The following MROH9 variants were observed in gnomAD, a reference collection of about 807,000 sequenced individuals.
MROH9 encodes the protein maestro heat like repeat family member 9, also known as maestro heat-like repeat-containing protein family member 9.
In MROH9, 92 loss-of-function variants were observed where a neutral mutation model predicts 98.2. The ratio of observed to expected loss-of-function variants is 0.94; its 90% CI spans 0.79 to 1.11. The LOEUF (loss-of-function observed/expected upper bound fraction) is 1.11. MROH9 is among the 50% of genes most tolerant of loss of function. The pLI, the probability that MROH9 is intolerant of heterozygous loss-of-function variation, is 0.00. For synonymous variants in MROH9, 397 were observed against 368.9 expected (o/e 1.08, Z -0.87); for missense variants, 1,057 against 1,014.8 (o/e 1.04, Z -0.57).
chr1:170,936,000 A>C (rs1173968758), intron 1 of MROH9, among the ~76,000 whole-genome samples: 14 of 150,000 alleles, frequency 9.3e-5, no homozygotes, highest in Admixed American at 6.0e-4. Flanking sequence ...AAAAAAAAAA[A>C]AAAAAAAAGA....
At chr1:170,937,014 C>T (rs1171254848) in intron 1 of MROH9, among the ~76,000 whole-genome samples, 2 of 152,174 alleles carry the variant, frequency 1.3e-5, no homozygotes, top group African/African-American at 4.8e-5. Context: ...GACCTTGCAG[C>T]TGCACAGCTA....
At chr1:171,048,989 C>A (rs1429258481) in intron 20 of MROH9, among the ~76,000 whole-genome samples, 1 of 152,172 alleles carries the variant, frequency 6.6e-6, no homozygotes. Flanking sequence ...GACTGGTGAC[C>A]TATCCTACTG....
chr1:170,959,717 ACAGT>A (rs1289845067), intron 5 of MROH9, 120 bp downstream of exon 5: 2 of 865,650 alleles, frequency 2.3e-6, no homozygotes, highest in Non-Finnish European at 1.7e-6. Flanking sequence ...TTTAGTTATA[ACAGT>A]CAGGGCACTA....
chr1:171,024,226 AT>A (rs1652621217), intron 17 of MROH9, among the ~76,000 whole-genome samples, 168 bp from the exon 18 acceptor site: 1 of 152,004 alleles, frequency 6.6e-6, no homozygotes, highest in Non-Finnish European at 1.5e-5. Flanking sequence ...CCCAAGGTGA[AT>A]TTTTTCTAAA....
At chr1:170,936,001 A>G (rs1359646347) in intron 1 of MROH9, among the ~76,000 whole-genome samples, 8 of 150,542 alleles carry the variant, frequency 5.3e-5, no homozygotes, top group East Asian at 3.9e-4. Context: ...AAAAAAAAAA[A>G]AAAAAAAGAA....
chr1:170,971,697 T>C lies in MROH9; in HGVS notation c.481-51T>C, dbSNP rs770997317. 17 of 1,594,042 alleles carry C rather than the reference T, an allele frequency of 1.1e-5. No homozygotes were observed. In the South Asian group the frequency reaches 1.9e-4, roughly 18 times the overall value. ...CAGGATCAGATGCATGCAGACATTT[T>C]CATATTGGCTATGCATAGCAAATGC... On this transcript the variant is annotated intron_variant, in intron 7 of 21. Coordinates refer to ENST00000367759, the MANE Select transcript of MROH9 (RefSeq NM_001163629.2).
Position 170,986,639 on chromosome 1 carries a change from GATAA to G in MROH9, c.810_813del (p.Asp270GlufsTer10). 4 of 1,613,872 alleles carry G rather than the reference GATAA, an allele frequency of 2.5e-6. No homozygotes were observed. Among genetic ancestry groups the G allele is most frequent in the Non-Finnish European group, 3.4e-6 (4 of 1,179,916 alleles). Reference sequence around the variant, plus strand: ...CCTGATGAAACTCTCTTCACCTGATGATAAAATCGCATCTGATGCAGCATCCATA... The same window carrying G: ...CCTGATGAAACTCTCTTCACCTGATGAATCGCATCTGATGCAGCATCCATA... On this transcript the variant is annotated frameshift_variant, in exon 10 of 22. Transcript: ENST00000367759. LOFTEE classifies it high-confidence loss of function.
At chr1:170,952,439 T>C (rs1279767683) in intron 3 of MROH9, among the ~76,000 whole-genome samples, 1 of 152,080 alleles carries the variant, frequency 6.6e-6, no homozygotes, top group African/African-American at 2.4e-5. Context: ...GATGAGTTCA[T>C]GTCCTTTGTG....
intron 15 of MROH9, among the ~76,000 whole-genome samples, chr1:171,011,518 C>T: frequency 6.6e-6 from 1 of 151,916 alleles, no homozygotes; most frequent in East Asian, 1.9e-4. Context: ...TATATTTTTC[C>T]AGAAAATAAT....
chr1:170,944,977 T>C (rs1286685535), intron 1 of MROH9, among the ~76,000 whole-genome samples: 2 of 152,022 alleles, frequency 1.3e-5, no homozygotes, highest in Admixed American at 1.3e-4. Context: ...TCAGTTATCT[T>C]TGAGTTAAAA....
At position 170,989,963 on chromosome 1, in the gene MROH9, G is replaced by T; in HGVS notation, c.988G>T (p.Val330Phe). 1 of 1,613,008 alleles carries T rather than the reference G, an allele frequency of 6.2e-7. No individual in the cohort carries two copies. Among genetic ancestry groups the T allele is most frequent in the Non-Finnish European group, 8.5e-7 (1 of 1,179,312 alleles). The change falls in exon 11 of 22, where the codon GTC (valine) becomes TTC (phenylalanine). Residue 330 changes from valine to phenylalanine, a missense_variant. Physicochemically the swap from Val to Phe is conservative, Grantham distance 50 (BLOSUM62 -1). Transcript: ENST00000367759. Reference protein sequence around the residue: ...TLLTCTSPKKVIFQLMDYPVP... With the variant: ...TLLTCTSPKKFIFQLMDYPVP... ...GTTGACATGCACTTCACCCAAGAAG[G>T]TCATCTTTCAACTTATGGACTACCC...
chr1:170,944,470 A>G (rs1649244279), intron 1 of MROH9, among the ~76,000 whole-genome samples: 1 of 152,106 alleles, frequency 6.6e-6, no homozygotes, highest in Non-Finnish European at 1.5e-5. Flanking sequence ...ACTTATGTAC[A>G]AAGAGAAAGA....
Position 170,959,444 on chromosome 1 carries a change from G to C in MROH9, c.153-18G>C, listed in dbSNP as rs747272254. 2.5e-6 allele frequency: 4 copies of C among 1,574,894 alleles called. No individual in the cohort carries two copies. The highest frequency in any genetic ancestry group is 1.7e-4 in the Middle Eastern group (1 of 5,838). On this transcript the variant is annotated intron_variant, in intron 4 of 21. Transcript: ENST00000367759. ...ATTTGTTTTCTCATCATTAATAATT[G>C]CTCCTTTTTCTTGTCAGCTTTGTGG...
At chr1:170,945,393 A>T (rs1649289042) in intron 1 of MROH9, 127 bp from the exon 2 acceptor site, 1 of 627,024 alleles carries the variant, frequency 1.6e-6, no homozygotes, top group Admixed American at 2.8e-5. Flanking sequence ...TGATAAATTG[A>T]TGCACAGCTA....
intron 15 of MROH9, among the ~76,000 whole-genome samples, chr1:171,008,439 G>A (rs1328821402): frequency 6.6e-6 from 1 of 152,074 alleles, no homozygotes; most frequent in Non-Finnish European, 1.5e-5. Flanking sequence ...ATTTTTGTAT[G>A]AGATTTACAT....
At chr1:170,982,377 T>C (rs1650968088) in intron 8 of MROH9, among the ~76,000 whole-genome samples, 1 of 152,182 alleles carries the variant, frequency 6.6e-6, no homozygotes, top group Non-Finnish European at 1.5e-5. Flanking sequence ...GATCCACTTA[T>C]ATAAAATTAG....
intron 17 of MROH9, among the ~76,000 whole-genome samples, chr1:171,020,146 C>T (rs1420418001): frequency 6.6e-6 from 1 of 151,994 alleles, no homozygotes; most frequent in Admixed American, 6.6e-5. Context: ...TAAAAAAAAG[C>T]TCAGGACCAG....
At chr1:170,980,752 A>T (rs556937212) in intron 8 of MROH9, among the ~76,000 whole-genome samples, 140 of 152,360 alleles carry the variant, frequency 9.2e-4, no homozygotes, top group African/African-American at 2.1e-3. Flanking sequence ...TTGCAAGAAA[A>T]GCCCAAATTG....
chr1:170,960,899 G>A (rs1402877665), intron 5 of MROH9, among the ~76,000 whole-genome samples: 3 of 152,166 alleles, frequency 2.0e-5, no homozygotes, highest in African/African-American at 7.2e-5. Context: ...AAATTGCTGG[G>A]ATTATAGGTG....
Sources: gnomAD v4.1 joint callset for allele counts (sites outside exome capture counted in the v4.1 genomes callset) on GRCh38, gnomAD v4.1.1 for gene constraint, MANE v1.5 for transcripts, NCBI Gene and HGNC (gene_info 2026-07-23, HGNC 2026-07-21) for gene names.